Variants in UTP4 observed in about 807,000 individuals in gnomAD.
UTP4 encodes U3 small nucleolar RNA-associated protein 4 homolog.
Under a neutral mutation model 82.4 loss-of-function variants are expected in UTP4, and 45 were observed. That is an observed-to-expected ratio of 0.55 (90% CI 0.43 to 0.70). The LOEUF is 0.70. UTP4 is among the 30% of genes least tolerant of loss of function. UTP4 has a pLI of 0.00. For synonymous variants in UTP4, 348 were observed against 300.3 expected (o/e 1.16, Z -1.64); for missense variants, 819 against 858.3 (o/e 0.95, Z 0.57).
At chr16:69,141,626 C>CT (rs1199284314) in intron 5 of UTP4, among the ~76,000 whole-genome samples, 24 of 152,020 alleles carry the variant, frequency 1.6e-4, no homozygotes, top group African/African-American at 5.3e-4. Context: ...TCCTTCAGTT[C>CT]TGGGGGGAAA....
chr16:69,156,892 G>T (rs1240305363), intron 11 of UTP4, among the ~76,000 whole-genome samples, 192 bp from the exon 12 acceptor site: 3 of 152,216 alleles, frequency 2.0e-5, no homozygotes, highest in African/African-American at 7.2e-5. Context: ...CCTTGATAGA[G>T]AAGTGAATAT....
At chr16:69,151,081 A>G (rs1963251005) in intron 8 of UTP4, among the ~76,000 whole-genome samples, 177 bp downstream of exon 8, 1 of 148,404 alleles carries the variant, frequency 6.7e-6, no homozygotes, top group African/African-American at 2.5e-5. Flanking sequence ...ATCTCGGCTC[A>G]CCACAACCTC....
intron 14 of UTP4, 132 bp downstream of exon 14, chr16:69,163,310 G>GTT (rs2152283782): frequency 2.7e-6 from 2 of 754,494 alleles, no homozygotes; most frequent in East Asian, 5.2e-5. Context: ...CCTGTGTGAA[G>GTT]TAAAGCTTCC....
In UTP4 at chr16:69,162,573, ATGG is replaced by A. The variant is rs1963590869; in HGVS notation, c.1552-503_1552-501del. Among the ~76,000 whole-genome samples, 3 of 152,054 alleles carry A rather than the reference ATGG, an allele frequency of 2.0e-5. No homozygotes were observed. In the East Asian group the frequency reaches 5.8e-4, roughly 30 times the overall value. ...CTAAAAATACAAAAATTAGCCAGGCATGGTGGTGGGTGCCTGTAATCCCAGCTG... is the reference window on the plus strand; with the variant it reads ...CTAAAAATACAAAAATTAGCCAGGCATGGTGGGTGCCTGTAATCCCAGCTG... On this transcript the variant is annotated intron_variant, in intron 13 of 16. Transcript: ENST00000314423.
At chr16:69,156,077 G>A (rs1200467779) in intron 11 of UTP4, 84 bp downstream of exon 11, 2 of 1,346,946 alleles carry the variant, frequency 1.5e-6, no homozygotes, top group Non-Finnish European at 2.1e-6. Context: ...TCAACTGGAT[G>A]TGAATCCTTG....
chr16:69,163,021 C>G (rs1168395388), intron 13 of UTP4, 62 bp from the exon 14 acceptor site: 2 of 1,279,456 alleles, frequency 1.6e-6, no homozygotes, highest in Non-Finnish European at 2.3e-6. Flanking sequence ...CTAGACCATT[C>G]AATCTTTGCT....
chr16:69,166,731 G>T (rs1963711406), intron 15 of UTP4: 1 of 293,232 alleles, frequency 3.4e-6, no homozygotes, highest in Non-Finnish European at 6.5e-6. Context: ...CTGACAAAGT[G>T]ATACTGATGA....
At chr16:69,145,560 T>C (rs1963087144) in intron 6 of UTP4, among the ~76,000 whole-genome samples, 3 of 152,128 alleles carry the variant, frequency 2.0e-5, no homozygotes, top group Admixed American at 2.0e-4. Flanking sequence ...GCTTTTTCTT[T>C]TTCTTTTTCT....
At chr16:69,143,428 C>T (rs1473484410) in intron 6 of UTP4, 39 bp downstream of exon 6, 2 of 1,576,018 alleles carry the variant, frequency 1.3e-6, no homozygotes, top group Admixed American at 3.3e-5. Flanking sequence ...GATGTACACC[C>T]TTGTGGGGTG....
intron 5 of UTP4, among the ~76,000 whole-genome samples, chr16:69,141,172 C>G (rs976716976): frequency 6.6e-6 from 1 of 152,196 alleles, no homozygotes; most frequent in African/African-American, 2.4e-5. Flanking sequence ...CCTTCTGACC[C>G]ACTCCCATCT....
chr16:69,149,295 G>A (rs1043202742), intron 6 of UTP4, among the ~76,000 whole-genome samples: 1 of 152,122 alleles, frequency 6.6e-6, no homozygotes, highest in Non-Finnish European at 1.5e-5. Context: ...CAGAAGAATG[G>A]CTTGAACCAA....
intron 13 of UTP4, 130 bp downstream of exon 13, chr16:69,160,592 T>G: frequency 1.4e-6 from 1 of 711,882 alleles, no homozygotes; most frequent in Non-Finnish European, 2.4e-6. Context: ...TATTTTCTTT[T>G]CTTTTCTTTT....
At chr16:69,140,342 G>C (rs1409556050) in intron 5 of UTP4, among the ~76,000 whole-genome samples, 5 of 152,144 alleles carry the variant, frequency 3.3e-5, no homozygotes, top group Non-Finnish European at 4.4e-5. Context: ...TGGAAAATTG[G>C]CTTCATAGAA....
chr16:69,144,090 G>A (rs1458222241), intron 6 of UTP4, among the ~76,000 whole-genome samples: 2 of 150,784 alleles, frequency 1.3e-5, no homozygotes, highest in African/African-American at 2.4e-5. Context: ...GTTTCACCAT[G>A]TTGGGCAGGC....
At chr16:69,145,815 A>G (rs1963094077) in intron 6 of UTP4, among the ~76,000 whole-genome samples, 2 of 152,148 alleles carry the variant, frequency 1.3e-5, no homozygotes, top group South Asian at 4.1e-4. Flanking sequence ...GTGTTCCCAG[A>G]GCACAGGCTT....
At chr16:69,162,306 G>C (rs1046583003) in intron 13 of UTP4, among the ~76,000 whole-genome samples, 3 of 151,954 alleles carry the variant, frequency 2.0e-5, no homozygotes, top group African/African-American at 7.2e-5. Context: ...GGACTGGTGC[G>C]GTGGCTTACG....
intron 2 of UTP4, among the ~76,000 whole-genome samples, chr16:69,134,073 A>G (rs1962738224): frequency 6.6e-6 from 1 of 152,180 alleles, no homozygotes; most frequent in African/African-American, 2.4e-5. Context: ...GAGAATGTAG[A>G]CCTACATGTC....
At chr16:69,165,677 G>T in intron 15 of UTP4, 151 bp downstream of exon 15, 1 of 742,958 alleles carries the variant, frequency 1.3e-6, no homozygotes, top group Non-Finnish European at 2.3e-6. Flanking sequence ...GGAGGAGAGG[G>T]GCTTTTGTTT....
rs1567600101 is a variant in UTP4 at position 69,136,846 on chromosome 16, A to C, written c.310A>C (p.Ile104Leu). 6.2e-7 allele frequency: 1 copy of C among 1,614,138 alleles called. No homozygotes were observed. The highest frequency in any genetic ancestry group is 1.3e-5 in the African/African-American group (1 of 75,034). Residue 104 changes from isoleucine to leucine, a missense_variant, in exon 3 of 17, where the codon ATT becomes CTT. By Grantham distance (5) the Ile-to-Leu change is conservative. Transcript: ENST00000314423. ...KYAMDAFGGP[I>L]WSMAASPSGS... ...TGCTATGGATGCCTTTGGAGGACCT[A>C]TTTGGAGCATGGCTGCCAGCCCCAG...
Sources: gnomAD v4.1 joint callset for allele counts (sites outside exome capture counted in the v4.1 genomes callset) on GRCh38, gnomAD v4.1.1 for gene constraint, MANE v1.5 for transcripts, NCBI Gene and HGNC (gene_info 2026-07-23, HGNC 2026-07-21) for gene names.